ELAVL2: variants seen among roughly 807,000 people sequenced by gnomAD.
The protein encoded by ELAVL2 is ELAV like RNA binding protein 2.
A neutral mutation model predicts 34.6 loss-of-function variants in ELAVL2; 4 were observed. The observed-to-expected ratio is 0.12, with a 90% CI of 0.06 to 0.26. The LOEUF is 0.26. ELAVL2 is among the 10% of genes least tolerant of loss of function. The pLI, the probability that ELAVL2 is intolerant of heterozygous loss-of-function variation, is 1.00. For missense variants in ELAVL2, 432 were observed against 442.8 expected (o/e 0.98, Z 0.22); for synonymous variants, 193 against 154.8 (o/e 1.25, Z -1.83).
At chr9:23,724,953 C>G (rs2134231026) in intron 3 of ELAVL2, among the ~76,000 whole-genome samples, 1 of 152,130 alleles carries the variant, frequency 6.6e-6, no homozygotes, top group East Asian at 1.9e-4. Context: ...GCCTGTTCTT[C>G]CAACTATTAC....
intron 3 of ELAVL2, among the ~76,000 whole-genome samples, chr9:23,716,023 A>T (rs2042204608): frequency 6.6e-6 from 1 of 152,138 alleles, no homozygotes; most frequent in Non-Finnish European, 1.5e-5. Context: ...GGGTAGGTGG[A>T]CATTATGTAG....
chr9:23,823,669 A>C (rs1357490151), intron 1 of ELAVL2, among the ~76,000 whole-genome samples: 1 of 152,224 alleles, frequency 6.6e-6, no homozygotes, highest in Non-Finnish European at 1.5e-5. Flanking sequence ...AGTCTGACAA[A>C]TCTTTCAGAT....
rs755352538 is a variant in ELAVL2, at chr9:23,731,010, C to T, written c.333+12G>A. 2 of 1,601,436 alleles carry T rather than the reference C, an allele frequency of 1.2e-6. No individual in the cohort carries two copies. The highest frequency in any genetic ancestry group is 1.7e-5 in the Admixed American group (1 of 57,972). Reference sequence around the variant, plus strand: ...TGTTCCGCAAGTAGATATAAAAAAACTTTAAACATACTTTTATTGTTTTGG... The same window carrying T: ...TGTTCCGCAAGTAGATATAAAAAAATTTTAAACATACTTTTATTGTTTTGG... On this transcript the variant is annotated intron_variant, in intron 3 of 6. Coordinates refer to ENST00000397312, the MANE Select transcript of ELAVL2 (RefSeq NM_004432.5).
At chr9:23,824,746 C>A (rs905159813) in intron 1 of ELAVL2, among the ~76,000 whole-genome samples, 4 of 152,172 alleles carry the variant, frequency 2.6e-5, no homozygotes, top group Non-Finnish European at 5.9e-5. Context: ...CCTGAGAAAT[C>A]ACAAAAGTTA....
intron 3 of ELAVL2, among the ~76,000 whole-genome samples, chr9:23,725,155 G>A (rs1216158957): frequency 2.0e-5 from 3 of 152,002 alleles, no homozygotes; most frequent in East Asian, 1.9e-4. Context: ...CTTCCTCTCC[G>A]AATAAATACT....
At chr9:23,841,928 TC>T in the ELAVL2 span, among the ~76,000 whole-genome samples, 1 of 152,180 alleles carries the variant, frequency 6.6e-6, no homozygotes, top group Non-Finnish European at 1.5e-5. Context: ...GTAAACTTTT[TC>T]TTTTTCAATA....
chr9:23,841,234 G>A, the ELAVL2 span, among the ~76,000 whole-genome samples: 2 of 152,064 alleles, frequency 1.3e-5, no homozygotes, highest in Non-Finnish European at 2.9e-5. Context: ...AGATGATGAG[G>A]AGGTGAGGAA....
chr9:23,720,132 G>C (rs1047516020), intron 3 of ELAVL2, among the ~76,000 whole-genome samples: 9 of 148,464 alleles, frequency 6.1e-5, no homozygotes, highest in African/African-American at 2.2e-4. Context: ...TGGCTCAAAA[G>C]CCACTTTCAA....
chr9:23,768,973 T>A (rs1431304), intron 1 of ELAVL2, among the ~76,000 whole-genome samples: 19,316 of 152,074 alleles, frequency 0.13, 1,352 homozygotes, highest in East Asian at 0.24. Context: ...AAAGACAAGC[T>A]TATCTCTCAG....
At chr9:23,700,793 A>G (rs1001107954) in intron 5 of ELAVL2, among the ~76,000 whole-genome samples, 1 of 152,178 alleles carries the variant, frequency 6.6e-6, no homozygotes, top group African/African-American at 2.4e-5. Context: ...CACATAGGTT[A>G]TATACCCTTA....
At chr9:23,762,275 T>C in intron 1 of ELAVL2, 26 bp from the exon 2 acceptor site, 1 of 1,609,986 alleles carries the variant, frequency 6.2e-7, no homozygotes, top group Non-Finnish European at 8.5e-7. Context: ...ACAAGAAATG[T>C]CAGAATTCAT....
At chr9:23,797,131 C>T (rs536932740) in intron 1 of ELAVL2, among the ~76,000 whole-genome samples, 2 of 152,226 alleles carry the variant, frequency 1.3e-5, no homozygotes, top group African/African-American at 4.8e-5. Context: ...TCCTGAGCAG[C>T]TAACAACAGG....
At chr9:23,826,508 C>T (rs757945418), upstream of ELAVL2, among the ~76,000 whole-genome samples, 34 of 152,322 alleles carry the variant, frequency 2.2e-4, no homozygotes, top group Admixed American at 6.5e-4. Flanking sequence ...CAATGGAGTC[C>T]CGTTTCAAGG....
intron 1 of ELAVL2, among the ~76,000 whole-genome samples, chr9:23,816,791 TTGCCAGATGATTTTGCC>T (rs2063779322): frequency 1.3e-5 from 2 of 152,328 alleles, no homozygotes; most frequent in Admixed American, 6.5e-5. Flanking sequence ...ATACTCTGTG[TTGCCAGATGATTTTGCC>T]CAACTATAAC....
At chr9:23,782,002 G>T (rs1186100392) in intron 1 of ELAVL2, among the ~76,000 whole-genome samples, 1 of 151,924 alleles carries the variant, frequency 6.6e-6, no homozygotes, top group Non-Finnish European at 1.5e-5. Context: ...AAAATCTTTT[G>T]TGGAGACGAG....
chr9:23,692,631 T>C lies in ELAVL2; in HGVS notation c.1006A>G (p.Ser336Gly). ...TCTCCCAGACGGTATCCATTGAGGC[T>C]AGCTATCGCCATGGCAGCCTCATCA... is the stretch of plus-strand genomic sequence containing the variant. ...NYDEAAMAIA[S>G]LNGYRLGDRV... Residue 336 changes from serine (S) to glycine (G), a missense_variant, in exon 7 of 7, where the codon AGC becomes GGC. Physicochemically the swap from Ser to Gly is moderately conservative, Grantham distance 56. Around this residue, in one of 3 missense-constraint regions of ELAVL2, gnomAD observed 295 missense variants for 306.1 expected, o/e 0.96. Coordinates refer to ENST00000397312, the MANE Select transcript of ELAVL2 (RefSeq NM_004432.5). 6.2e-7 allele frequency: 1 copy of C among 1,614,210 alleles called. No individual in the cohort carries two copies. The highest frequency in any genetic ancestry group is 8.5e-7 in the Non-Finnish European group (1 of 1,180,014).
intron 3 of ELAVL2, among the ~76,000 whole-genome samples, chr9:23,723,253 G>A (rs865893698): frequency 1.2e-4 from 18 of 152,182 alleles, no homozygotes; most frequent in Middle Eastern, 3.4e-3. Flanking sequence ...AAAAAATGAT[G>A]AGTTCATGTC....
intron 1 of ELAVL2, among the ~76,000 whole-genome samples, chr9:23,776,344 G>C (rs373795871): frequency 2.6e-5 from 4 of 152,062 alleles, no homozygotes; most frequent in African/African-American, 9.7e-5. Context: ...GAGGAACCAG[G>C]GACAGGTGTG....
In ELAVL2 at chr9:23,701,497, T is replaced by C. The variant is rs1310967478; in HGVS notation, c.595A>G (p.Thr199Ala). 2 of 1,614,122 alleles carry C rather than the reference T, an allele frequency of 1.2e-6. No individual in the cohort carries two copies. Among genetic ancestry groups the C allele is most frequent in the African/African-American group, 1.3e-5 (1 of 75,044 alleles). The change falls in exon 5 of 7, where the codon ACT (threonine) becomes GCT (alanine). Residue 199 changes from threonine to alanine, a missense_variant. Around this residue, in one of 3 missense-constraint regions of ELAVL2, gnomAD observed 295 missense variants for 306.1 expected, o/e 0.96. Coordinates refer to ENST00000397312, the MANE Select transcript of ELAVL2 (RefSeq NM_004432.5). ...QKPPGATEPI[T>A]VKFANNPSQK... ...CTTGGGTTATTAGCAAACTTTACAG[T>C]GATTGGCTCCGTGGCACCGGGAGGT...
Sources: allele counts gnomAD v4.1 joint callset (sites outside exome capture counted in the v4.1 genomes callset), GRCh38; gene constraint gnomAD v4.1.1; regional missense constraint gnomAD v4.1.1; transcripts MANE v1.5; gene names NCBI Gene and HGNC (gene_info 2026-07-23, HGNC 2026-07-21).